Variants in HADHA observed in about 807,000 individuals in gnomAD.
HADHA encodes the protein trifunctional enzyme subunit alpha, mitochondrial.
A neutral mutation model predicts 91.3 loss-of-function variants in HADHA; 59 were observed. The observed-to-expected ratio is 0.65, with a 90% confidence interval of 0.52 to 0.80. The LOEUF is 0.80. Ranked by LOEUF, HADHA falls within the 30% of genes least tolerant of loss-of-function variation. The probability of loss-of-function intolerance (pLI) is 0.00; values close to 1 mark genes in which losing one functional copy is unlikely to be tolerated. For missense variants in HADHA, 800 were observed against 927.6 expected, an observed-to-expected ratio of 0.86 and a Z score of 1.79; for synonymous variants, 320 against 338.9, an observed-to-expected ratio of 0.94 and a Z score of 0.61.
intron 6 of HADHA, among the ~76,000 whole-genome samples, chr2:26,231,840 A>G (rs750140142): frequency 6.6e-6 from 1 of 152,012 alleles, no homozygotes; most frequent in Non-Finnish European, 1.5e-5. Flanking sequence ...GCAGTGGTGC[A>G]CGCCTGTAAT....
rs1669582866 is a variant in HADHA, at chr2:26,193,789, G to C, written c.1690-17C>G. On this transcript the variant is annotated splice_polypyrimidine_tract_variant and intron_variant, in intron 16 of 19. Coordinates refer to ENST00000380649, the MANE Select transcript of HADHA (RefSeq NM_000182.5). ...AACTCCTTCCTGAACAGGAAGCGAT[G>C]CAGGGACCTCAGGGGAAGGGCAGCC... 1 of 1,607,876 alleles carries C rather than the reference G, an allele frequency of 6.2e-7. No homozygotes were observed. Among genetic ancestry groups the C allele is most frequent in the Non-Finnish European group, 8.5e-7 (1 of 1,174,380 alleles).
rs544563742 is a variant in HADHA at position 26,191,959 on chromosome 2, T to C, written c.2001-331A>G. Among the ~76,000 whole-genome samples the C allele has an allele frequency of 5.9e-5, 9 of 152,330 alleles. No individual in the cohort carries two copies. The South Asian group carries it at 1.9e-3, about 32-fold the overall frequency. On this transcript the variant is annotated intron_variant, in intron 18 of 19. Transcript: ENST00000380649. ...TGAAGGGGCCAAGGAGAATCTGTCCTTCCAGCGGCTCTCTGGGAACTTGCC... is the reference window on the plus strand; with the variant it reads ...TGAAGGGGCCAAGGAGAATCTGTCCCTCCAGCGGCTCTCTGGGAACTTGCC...
At chr2:26,194,161 G>A (rs751583820) in intron 16 of HADHA, among the ~76,000 whole-genome samples, 2 of 152,182 alleles carry the variant, frequency 1.3e-5, no homozygotes, top group Non-Finnish European at 2.9e-5. Flanking sequence ...AGTGCCCAGC[G>A]AGGAGGATCC....
chr2:26,194,459 A>T, intron 16 of HADHA, 111 bp downstream of exon 16: 1 of 772,008 alleles, frequency 1.3e-6, no homozygotes, highest in Non-Finnish European at 2.3e-6. Flanking sequence ...CCTAGACAAG[A>T]GCAGGAGTTG....
rs192537605 is a variant in HADHA, at chr2:26,236,177, T to A, written c.314+678A>T. 2.0e-4 allele frequency among the ~76,000 whole-genome samples: 30 copies of A among 152,306 alleles called. No homozygotes were observed. In the East Asian group the frequency reaches 5.4e-3, roughly 27 times the overall value. ...GATCTAGTTAATTCCTTTTACCTGT[T>A]TTGTAGTATTCTATTGTGTGAATAG... On this transcript the variant is annotated intron_variant, in intron 4 of 19. Transcript: ENST00000380649.
At chr2:26,228,759 A>G (rs1670542926) in intron 7 of HADHA, among the ~76,000 whole-genome samples, 1 of 152,106 alleles carries the variant, frequency 6.6e-6, no homozygotes, top group East Asian at 1.9e-4. Context: ...ACAGCCTTGA[A>G]CTTCTGGGCT....
intron 10 of HADHA, among the ~76,000 whole-genome samples, chr2:26,211,100 C>A (rs190137798): frequency 6.6e-6 from 1 of 152,244 alleles, no homozygotes; most frequent in Admixed American, 6.5e-5. Context: ...GCAAAAGATT[C>A]ATCAATGGTC....
chr2:26,225,738 A>G (rs1558327058), intron 7 of HADHA, among the ~76,000 whole-genome samples: 1 of 152,154 alleles, frequency 6.6e-6, no homozygotes, highest in Admixed American at 6.5e-5. Context: ...AAAACCTACA[A>G]CTAACATCAT....
At chr2:26,235,435 A>G (rs1167488257) in intron 4 of HADHA, 2 of 152,242 alleles carry the variant, frequency 1.3e-5, no homozygotes, top group Non-Finnish European at 2.9e-5. Flanking sequence ...CTTTTGACCA[A>G]GGATAACTAG....
rs556893283 is a variant in HADHA, at chr2:26,212,621, T to C, written c.924A>G (p.Val308=). ...YPAPLKIIDV[V]KTGIEQGSDA... ...CACTCCCTTGCTCAATTCCAGTCTT[T>C]ACCACCTAAAAAACATATAAAGCAC... Residue 308 remains valine, a synonymous_variant, in exon 10 of 20, where the codon GTA becomes GTG. Coordinates refer to ENST00000380649, the MANE Select transcript of HADHA (RefSeq NM_000182.5). 3.8e-6 allele frequency: 6 copies of C among 1,596,336 alleles called. No individual in the cohort carries two copies. Among genetic ancestry groups the C allele is most frequent in the Middle Eastern group, 1.7e-4 (1 of 6,034 alleles).
intron 19 of HADHA, 40 bp downstream of exon 19, chr2:26,191,443 C>T (rs751732102): frequency 2.8e-5 from 45 of 1,614,058 alleles, no homozygotes; most frequent in Non-Finnish European, 3.4e-5. Context: ...ACACGGGCTC[C>T]AGGCTAAAGT....
At chr2:26,228,129 T>A (rs1179705283) in intron 7 of HADHA, among the ~76,000 whole-genome samples, 1 of 149,368 alleles carries the variant, frequency 6.7e-6, no homozygotes, top group Non-Finnish European at 1.5e-5. Flanking sequence ...TTTGTCCACA[T>A]AAAGACTTTT....
Position 26,214,312 on chromosome 2 carries a change from T to C in HADHA, c.918+131A>G. 1.3e-6 allele frequency: 1 copy of C among 754,770 alleles called. No individual in the cohort carries two copies. The highest frequency in any genetic ancestry group is 2.5e-5 in the East Asian group (1 of 40,764). 46.8% of individuals were successfully genotyped at this position (754,770 alleles called of 1,614,324 possible). ...GCTTGCTATGCCCTTCCCTTATTTT[T>C]GGTAAATACTTTAATAGCAGAATTA... On this transcript the variant is annotated intron_variant, in intron 9 of 19. Coordinates refer to ENST00000380649, the MANE Select transcript of HADHA (RefSeq NM_000182.5). The surrounding 1 kb of genome is among the most constrained non-coding windows in gnomAD (Gnocchi z 4.1).
chr2:26,223,135 C>T (rs1279553993), intron 7 of HADHA, among the ~76,000 whole-genome samples: 1 of 152,154 alleles, frequency 6.6e-6, no homozygotes, highest in African/African-American at 2.4e-5. Flanking sequence ...CCAGGAGACA[C>T]AACAATGATT....
At chr2:26,243,636 A>C (rs532218967) in intron 1 of HADHA, among the ~76,000 whole-genome samples, 44 of 152,344 alleles carry the variant, frequency 2.9e-4, no homozygotes, top group African/African-American at 1.1e-3. Context: ...GAAGAGAGGT[A>C]ATTCATATTA....
chr2:26,243,935 G>C (rs1301575606), intron 1 of HADHA, among the ~76,000 whole-genome samples: 2 of 152,242 alleles, frequency 1.3e-5, no homozygotes, highest in Non-Finnish European at 2.9e-5. Flanking sequence ...CCAGTAAGTT[G>C]CAGAACTTCC....
Position 26,191,274 on chromosome 2 carries a change from G to A in HADHA, c.2268C>T (p.Ser756=). The change falls in exon 20 of 20, where the codon AGC becomes AGT. Residue 756 remains serine (S), a synonymous_variant. Transcript: ENST00000380649. ...CTCACTGGTAGAACTTCTTGTTAGG[G>A]CTGTTAGCATGGTCAGCTAGCAGCT... ...PCQLLADHAN[S]PNKKFYQ is the part of the protein sequence containing the mutation. 1 of 1,612,854 alleles carries A rather than the reference G, an allele frequency of 6.2e-7. No homozygotes were observed. The highest frequency in any genetic ancestry group is 1.1e-5 in the South Asian group (1 of 91,026).
chr2:26,191,186 T>C lies in HADHA; in HGVS notation c.*64A>G. ...TCTGATAAATCTAGACACCACTCTG[T>C]TGGAGAACCAGCACTGCCGGCAGCT... is the stretch of plus-strand genomic sequence containing the variant. On this transcript the variant is annotated 3_prime_UTR_variant, in exon 20 of 20. Coordinates refer to ENST00000380649, the MANE Select transcript of HADHA (RefSeq NM_000182.5). 6.6e-7 allele frequency: 1 copy of C among 1,512,752 alleles called. No individual in the cohort carries two copies. Among genetic ancestry groups the C allele is most frequent in the Non-Finnish European group, 9.2e-7 (1 of 1,089,542 alleles). 93.7% of individuals were successfully genotyped at this position (1,512,752 alleles called of 1,614,324 possible). A position where few individuals can be genotyped will look rare whatever the true frequency, so the allele number is the denominator to read the frequency against.
At position 26,212,628 on chromosome 2, in the gene HADHA, T is replaced by G; in HGVS notation, c.919-2A>C. The G allele has an allele frequency of 6.3e-7, 1 of 1,588,156 alleles. No individual in the cohort carries two copies. Among genetic ancestry groups the G allele is most frequent in the Non-Finnish European group, 8.6e-7 (1 of 1,156,326 alleles). On this transcript the variant is annotated splice_acceptor_variant, in intron 9 of 19. Coordinates refer to ENST00000380649, the MANE Select transcript of HADHA (RefSeq NM_000182.5). LOFTEE classifies it high-confidence loss of function. Reference sequence around the variant, plus strand: ...TTGCTCAATTCCAGTCTTTACCACCTAAAAAACATATAAAGCACTTGCTCA... The same window carrying G: ...TTGCTCAATTCCAGTCTTTACCACCGAAAAAACATATAAAGCACTTGCTCA...
Sources: gnomAD v4.1 joint callset for allele counts (sites outside exome capture counted in the v4.1 genomes callset) on GRCh38, gnomAD v4.1.1 for gene constraint, Gnocchi (gnomAD v3.1) non-coding constraint, MANE v1.5 for transcripts, NCBI Gene and HGNC (gene_info 2026-07-23, HGNC 2026-07-21) for gene names.